The following ZNF169 variants were observed in gnomAD, a reference collection of about 807,000 sequenced individuals.
ZNF169 encodes zinc finger protein 169.
Under a neutral mutation model 12.0 loss-of-function variants are expected in ZNF169, and 11 were observed. The observed-to-expected ratio is 0.92, with a 90% confidence interval of 0.58 to 1.52. ZNF169 has a LOEUF of 1.52. Ranked by LOEUF, ZNF169 falls within the 40% of genes most tolerant of loss-of-function variation. The pLI is 0.00. For missense variants in ZNF169, 722 were observed against 744.0 expected, an observed-to-expected ratio of 0.97 and a Z score of 0.34; for synonymous variants, 302 against 286.5, an observed-to-expected ratio of 1.05 and a Z score of -0.55.
At chr9:94,261,748 A>G (rs1026538895) in intron 1 of ZNF169, among the ~76,000 whole-genome samples, 1 of 152,204 alleles carries the variant, frequency 6.6e-6, no homozygotes, top group South Asian at 2.1e-4. Context: ...ATGTAGAACG[A>G]AGTAAAACTT....
intron 2 of ZNF169, among the ~76,000 whole-genome samples, chr9:94,286,199 T>C (rs1458113405): frequency 6.6e-6 from 1 of 152,202 alleles, no homozygotes; most frequent in Non-Finnish European, 1.5e-5. Context: ...ATTTAACATA[T>C]CGCAAATTAT....
intron 1 of ZNF169, 124 bp downstream of exon 1, chr9:94,259,469 T>G (rs1260385107): frequency 6.6e-6 from 1 of 152,646 alleles, no homozygotes; most frequent in East Asian, 1.9e-4. Context: ...CACATGTTCC[T>G]TGGTGTTTTG....
chr9:94,264,167 T>C (rs1055647914), intron 1 of ZNF169, among the ~76,000 whole-genome samples: 4 of 152,196 alleles, frequency 2.6e-5, no homozygotes, highest in Non-Finnish European at 5.9e-5. Flanking sequence ...GGTGGCGTCT[T>C]GCTCTGTTGC....
intron 2 of ZNF169, among the ~76,000 whole-genome samples, chr9:94,282,470 G>T (rs540271289): frequency 1.3e-5 from 2 of 152,294 alleles, no homozygotes; most frequent in South Asian, 4.1e-4. Context: ...TGAACAAGAG[G>T]GGTTCCAGGT....
chr9:94,294,813 C>T (rs1215805253), intron 4 of ZNF169: 1 of 152,088 alleles, frequency 6.6e-6, no homozygotes, highest in African/African-American at 2.4e-5. Context: ...GTAGAAATCC[C>T]ATATAAATTA....
At chr9:94,283,017 C>A (rs1830667529) in intron 2 of ZNF169, among the ~76,000 whole-genome samples, 2 of 152,188 alleles carry the variant, frequency 1.3e-5, no homozygotes, top group African/African-American at 4.8e-5. Flanking sequence ...CCCTGGCAAC[C>A]ACTGATCTGC....
At chr9:94,276,345 A>T (rs1234459792) in intron 1 of ZNF169, among the ~76,000 whole-genome samples, 1 of 151,696 alleles carries the variant, frequency 6.6e-6, no homozygotes, top group African/African-American at 2.4e-5. Flanking sequence ...GGCTTACTGC[A>T]ACCTCCACCT....
chr9:94,263,880 T>C (rs547853641), intron 1 of ZNF169, among the ~76,000 whole-genome samples: 1 of 152,126 alleles, frequency 6.6e-6, no homozygotes, highest in African/African-American at 2.4e-5. Context: ...CAATATAACT[T>C]AATTGCCACT....
chr9:94,299,509 A>T, intron 4 of ZNF169: 1 of 1,279,012 alleles, frequency 7.8e-7, no homozygotes, highest in African/African-American at 1.5e-5. Flanking sequence ...TTCTCAGGCA[A>T]GGTTTAATAG....
At position 94,300,832 on chromosome 9, in the gene ZNF169, C is replaced by G. The variant is rs200683862; in HGVS notation, c.1274C>G (p.Thr425Arg). 2 of 1,614,116 alleles carry G rather than the reference C, an allele frequency of 1.2e-6. No homozygotes were observed. Among genetic ancestry groups the G allele is most frequent in the African/African-American group, 1.3e-5 (1 of 75,020 alleles). ...VTLIRHQRTH[T>R]GEKPYLCPQC... The stretch of plus-strand genomic sequence containing the variant: ...CTCATCAGGCACCAGAGGACACACA[C>G]AGGGGAGAAGCCTTACCTGTGCCCC... Residue 425 changes from threonine (T) to arginine (R), a missense_variant, in exon 5 of 5, where the codon ACA becomes AGA. Coordinates refer to ENST00000395395, the MANE Select transcript of ZNF169 (RefSeq NM_194320.4).
At chr9:94,261,019 G>GT (rs1554712588) in intron 1 of ZNF169, among the ~76,000 whole-genome samples, 1 of 140,582 alleles carries the variant, frequency 7.1e-6, no homozygotes, top group African/African-American at 2.6e-5. Context: ...GACGGGGTTT[G>GT]TTTTTTGTTT....
In ZNF169 at chr9:94,271,441, G is replaced by A. The variant is rs113040588; in HGVS notation, c.-55-7317G>A. 7.3e-3 allele frequency among the ~76,000 whole-genome samples: 1,110 copies of A among 152,092 alleles called. 14 individuals carry two copies. Among genetic ancestry groups the A allele is most frequent in the African/African-American group, 0.025 (1,051 of 41,488 alleles). ...TAATTGCTTTTCAAATGTTAAACTG[G>A]CCAGACTCAGTGGCTCACGCCTGTA... On this transcript the variant is annotated intron_variant, in intron 1 of 4. Coordinates refer to ENST00000395395, the MANE Select transcript of ZNF169 (RefSeq NM_194320.4).
At chr9:94,261,509 C>T (rs1475267744) in intron 1 of ZNF169, among the ~76,000 whole-genome samples, 1 of 152,252 alleles carries the variant, frequency 6.6e-6, no homozygotes, top group East Asian at 1.9e-4. Context: ...TTTTGAAGTT[C>T]CATGGATTCA....
At chr9:94,263,792 C>T (rs1272596058) in intron 1 of ZNF169, among the ~76,000 whole-genome samples, 1 of 148,348 alleles carries the variant, frequency 6.7e-6, no homozygotes, top group Non-Finnish European at 1.5e-5. Flanking sequence ...TGTTTTTTTT[C>T]TTCCCCTGTT....
At chr9:94,272,770 A>G (rs571164000) in intron 1 of ZNF169, among the ~76,000 whole-genome samples, 41 of 152,158 alleles carry the variant, frequency 2.7e-4, no homozygotes, top group Non-Finnish European at 4.6e-4. Context: ...TCTATTTTTA[A>G]TTTTTTGAGG....
At chr9:94,276,681 A>C (rs921387436) in intron 1 of ZNF169, among the ~76,000 whole-genome samples, 1 of 152,182 alleles carries the variant, frequency 6.6e-6, no homozygotes, top group Non-Finnish European at 1.5e-5. Context: ...GATCCATCGC[A>C]CCAGGCCGAT....
At chr9:94,260,981 G>T (rs1830195712) in intron 1 of ZNF169, among the ~76,000 whole-genome samples, 1 of 150,924 alleles carries the variant, frequency 6.6e-6, no homozygotes, top group South Asian at 2.1e-4. Flanking sequence ...CACCACGCCC[G>T]GCTAATTTTT....
At chr9:94,285,834 C>T (rs1030397672) in intron 2 of ZNF169, among the ~76,000 whole-genome samples, 2 of 151,960 alleles carry the variant, frequency 1.3e-5, no homozygotes, top group East Asian at 1.9e-4. Flanking sequence ...ACATGGAGAA[C>T]GTCGTCTCTA....
intron 4 of ZNF169, among the ~76,000 whole-genome samples, chr9:94,298,694 A>G (rs1830997657): frequency 6.8e-6 from 1 of 146,876 alleles, no homozygotes; most frequent in Admixed American, 7.1e-5. Flanking sequence ...ACGCCACTGC[A>G]CTCCAGCCTG....
Sources: gnomAD v4.1 joint callset for allele counts (sites outside exome capture counted in the v4.1 genomes callset) on GRCh38, gnomAD v4.1.1 for gene constraint, MANE v1.5 for transcripts, NCBI Gene and HGNC (gene_info 2026-07-23, HGNC 2026-07-21) for gene names.